Variants in GASK1A observed in about 807,000 individuals in gnomAD.
GASK1A encodes the protein Golgi-associated kinase 1A.
Under a neutral mutation model 41.2 loss-of-function variants are expected in GASK1A, and 40 were observed. That is an observed-to-expected ratio of 0.97 (90% CI 0.75 to 1.27). The LOEUF is 1.27. Ranked by LOEUF, GASK1A falls within the 50% of genes most tolerant of loss-of-function variation. The pLI, the probability that GASK1A is intolerant of heterozygous loss-of-function variation, is 0.00. For missense variants in GASK1A, 678 were observed against 745.1 expected (o/e 0.91, Z 1.05); for synonymous variants, 316 against 307.1 (o/e 1.03, Z -0.30).
chr3:43,029,493 A>G (rs368045350), intron 1 of GASK1A, among the ~76,000 whole-genome samples: 2 of 152,120 alleles, frequency 1.3e-5, no homozygotes, highest in African/African-American at 4.8e-5. Flanking sequence ...ACCAAGAGCT[A>G]GAATCACTGG....
intron 1 of GASK1A, among the ~76,000 whole-genome samples, chr3:43,010,500 T>C (rs2089458155): frequency 6.6e-6 from 1 of 152,220 alleles, no homozygotes. Context: ...CCTTGAAAAA[T>C]AATTTTTACC....
chr3:43,022,522 A>T (rs557651759), intron 1 of GASK1A, among the ~76,000 whole-genome samples: 11 of 151,850 alleles, frequency 7.2e-5, no homozygotes, highest in Non-Finnish European at 1.5e-4. Flanking sequence ...CAACTTGTCC[A>T]TGGCCATTTC....
intron 1 of GASK1A, among the ~76,000 whole-genome samples, chr3:42,999,339 ACAGG>A (rs2089394262): frequency 6.6e-6 from 1 of 152,190 alleles, no homozygotes; most frequent in African/African-American, 2.4e-5. Context: ...CTTCTCCTCC[ACAGG>A]CAGGCACCTT....
At chr3:43,016,373 A>G (rs1451982252) in intron 1 of GASK1A, among the ~76,000 whole-genome samples, 1 of 150,838 alleles carries the variant, frequency 6.6e-6, no homozygotes, top group Non-Finnish European at 1.5e-5. Flanking sequence ...TGAACATGCC[A>G]GAAGTGTCCC....
In GASK1A at chr3:42,984,985, G is replaced by T. The variant is rs1399888886; in HGVS notation, c.3+5340G>T. Among the ~76,000 whole-genome samples, 1 of 152,106 alleles carries T rather than the reference G, an allele frequency of 6.6e-6. No individual in the cohort carries two copies. Among genetic ancestry groups the T allele is most frequent in the African/African-American group, 2.4e-5 (1 of 41,410 alleles). Reference sequence around the variant, plus strand: ...GGTTGTAAATTGACTGTTATCTCTCGAGGCAAGCTCCTGGTGGAAGGTAGC... The same window carrying T: ...GGTTGTAAATTGACTGTTATCTCTCTAGGCAAGCTCCTGGTGGAAGGTAGC... On this transcript the variant is annotated intron_variant, in intron 1 of 4. Transcript: ENST00000430121. The surrounding 1 kb of genome is among the most constrained non-coding windows in gnomAD (Gnocchi z 4.2).
intron 1 of GASK1A, among the ~76,000 whole-genome samples, chr3:43,016,975 G>T (rs1041720653): frequency 1.3e-5 from 2 of 151,520 alleles, no homozygotes; most frequent in Non-Finnish European, 2.9e-5. Flanking sequence ...TCACAGGAAG[G>T]GTCTGTGTGA....
At chr3:43,046,069 A>G (rs1367099749) in intron 2 of GASK1A, among the ~76,000 whole-genome samples, 2 of 152,172 alleles carry the variant, frequency 1.3e-5, no homozygotes, top group East Asian at 3.9e-4. Flanking sequence ...TTGGTACCAC[A>G]AAGAGTGGGG....
rs1023153827 is a variant in GASK1A, at chr3:43,056,256, T to C, written c.1598T>C (p.Val533Ala). The part of the protein sequence containing the change: ...MLLKSLQMDP[V>A]FWESQGGAQG... ...CTGAAGTCGCTGCAGATGGACCCAG[T>C]GTTCTGGGAAAGCCAAGGCGGAGCC... The change falls in exon 5 of 5, where the codon GTG (valine) becomes GCG (alanine). Residue 533 changes from valine to alanine, a missense_variant. Val to Ala is a moderately conservative substitution (Grantham distance 64, BLOSUM62 0). Coordinates refer to ENST00000430121, the MANE Select transcript of GASK1A (RefSeq NM_001129908.3). 1 of 1,551,534 alleles carries C rather than the reference T, an allele frequency of 6.4e-7. No homozygotes were observed. The highest frequency in any genetic ancestry group is 1.4e-5 in the African/African-American group (1 of 73,032).
intron 2 of GASK1A, among the ~76,000 whole-genome samples, chr3:43,044,972 CATTATTTATTGGTG>C (rs998516898): frequency 1.3e-5 from 2 of 152,056 alleles, no homozygotes; most frequent in African/African-American, 2.4e-5. Flanking sequence ...TGGGAGCCCA[CATTATTTATTGGTG>C]ATCAAACAAA....
At chr3:43,028,453 A>G (rs1344365529) in intron 1 of GASK1A, among the ~76,000 whole-genome samples, 21 of 152,244 alleles carry the variant, frequency 1.4e-4, no homozygotes, top group Non-Finnish European at 1.5e-5. Context: ...ACCATAAAAT[A>G]TTACAACAGA....
chr3:43,007,968 A>G (rs1193225459), intron 1 of GASK1A, among the ~76,000 whole-genome samples: 1 of 152,210 alleles, frequency 6.6e-6, no homozygotes, highest in Non-Finnish European at 1.5e-5. Context: ...GATGGCTTCC[A>G]GCTCTCCGGG....
intron 2 of GASK1A, among the ~76,000 whole-genome samples, chr3:43,039,986 G>C (rs2089627501): frequency 6.6e-6 from 1 of 152,068 alleles, no homozygotes; most frequent in East Asian, 1.9e-4. Context: ...ATTAAGCTTT[G>C]TTTATAGTCT....
intron 1 of GASK1A, among the ~76,000 whole-genome samples, chr3:43,026,939 C>T (rs937301606): frequency 2.0e-5 from 3 of 152,080 alleles, no homozygotes; most frequent in Admixed American, 6.6e-5. Flanking sequence ...AAAGCTGACC[C>T]GAAACAGTCA....
intron 1 of GASK1A, among the ~76,000 whole-genome samples, chr3:43,027,966 C>A (rs2089553938): frequency 6.6e-6 from 1 of 152,132 alleles, no homozygotes; most frequent in African/African-American, 2.4e-5. Context: ...TTAAGAGGTA[C>A]ATTGCTTTGG....
intron 1 of GASK1A, among the ~76,000 whole-genome samples, chr3:43,001,390 T>A (rs2125676963): frequency 6.6e-6 from 1 of 152,144 alleles, no homozygotes; most frequent in East Asian, 1.9e-4. Context: ...ACATCTAGCC[T>A]GCAATGGACT....
rs191090728 is a variant in GASK1A, at chr3:42,987,071, G to A, written c.3+7426G>A. Among the ~76,000 whole-genome samples the A allele has an allele frequency of 3.2e-3, 480 of 152,308 alleles. 2 individuals carry two copies. The Middle Eastern group carries it at 0.041, about 13-fold the overall frequency. On this transcript the variant is annotated intron_variant, in intron 1 of 4. Coordinates refer to ENST00000430121, the MANE Select transcript of GASK1A (RefSeq NM_001129908.3). ...TAATGCTCAAAATCCTAAGGAAATT[G>A]AACACTCAAACAAAGGATTCTTAAC...
At chr3:43,011,728 T>TGA (rs2089464455) in intron 1 of GASK1A, among the ~76,000 whole-genome samples, 2 of 150,312 alleles carry the variant, frequency 1.3e-5, no homozygotes, top group Admixed American at 1.3e-4. Flanking sequence ...AGGGGCTACG[T>TGA]GACATCACAG....
In GASK1A at chr3:43,056,357, C is replaced by T. The variant is rs1354822035; in HGVS notation, c.1699C>T (p.Leu567Phe). Residue 567 changes from leucine (L) to phenylalanine (F), a missense_variant, in exon 5 of 5, where the codon CTC becomes TTC. By Grantham distance (22) the Leu-to-Phe change is conservative. Transcript: ENST00000430121. Reference protein sequence around the residue: ...VLLGHIQKHNLTLFRDEDP With the variant: ...VLLGHIQKHNFTLFRDEDP ...GCTGGGACACATCCAAAAGCACAACCTCACACTCTTCAGGGACGAGGACCC... is the reference window on the plus strand; with the variant it reads ...GCTGGGACACATCCAAAAGCACAACTTCACACTCTTCAGGGACGAGGACCC... 1.7e-5 allele frequency: 26 copies of T among 1,550,514 alleles called. No homozygotes were observed. The highest frequency in any genetic ancestry group is 2.3e-5 in the Non-Finnish European group (26 of 1,146,800).
chr3:43,053,402 G>A, intron 2 of GASK1A, 119 bp from the exon 3 acceptor site: 1 of 1,179,020 alleles, frequency 8.5e-7, no homozygotes, highest in Non-Finnish European at 1.2e-6. Context: ...ACCAGTGAGG[G>A]TCACCCCTGC....
Sources: allele counts gnomAD v4.1 joint callset (sites outside exome capture counted in the v4.1 genomes callset), GRCh38; gene constraint gnomAD v4.1.1; non-coding constraint Gnocchi (gnomAD v3.1); transcripts MANE v1.5; gene names NCBI Gene and HGNC (gene_info 2026-07-23, HGNC 2026-07-21).